The following AFAP1 variants were observed in gnomAD, a reference collection of about 807,000 sequenced individuals.
The protein encoded by AFAP1 is actin filament associated protein 1.
Under a neutral mutation model 93.9 loss-of-function variants are expected in AFAP1, and 75 were observed. That is an observed-to-expected ratio of 0.80 (90% CI 0.66 to 0.97). The LOEUF is 0.97. Among genes scored for constraint, AFAP1 ranks in the 50% least tolerant of loss-of-function variants. AFAP1 has a pLI of 0.00. For missense variants in AFAP1, 1,201 were observed against 1,050.8 expected (o/e 1.14, Z -1.98); for synonymous variants, 517 against 430.7 (o/e 1.20, Z -2.48).
chr4:7,832,179 T>C (rs979142351), intron 6 of AFAP1, among the ~76,000 whole-genome samples: 2 of 152,094 alleles, frequency 1.3e-5, no homozygotes, highest in African/African-American at 4.8e-5. Context: ...GTATAACATA[T>C]TAAAGTTCCA....
At chr4:7,933,390 T>C (rs1012572232) in intron 1 of AFAP1, among the ~76,000 whole-genome samples, 4 of 152,102 alleles carry the variant, frequency 2.6e-5, no homozygotes, top group African/African-American at 7.2e-5. Flanking sequence ...CTGGCCAACA[T>C]GGTGAAACCC....
intron 3 of AFAP1, among the ~76,000 whole-genome samples, chr4:7,861,515 A>G (rs1350934882): frequency 6.6e-6 from 1 of 152,260 alleles, no homozygotes; most frequent in Non-Finnish European, 1.5e-5. Context: ...CATTCCACAC[A>G]GCGCTTGAGT....
rs113904979 is a variant in AFAP1 at position 7,812,469 on chromosome 4, T to C, written c.905-2706A>G. Among the ~76,000 whole-genome samples the C allele has an allele frequency of 1.8e-3, 272 of 152,106 alleles. 1 individual carries two copies. The highest frequency in any genetic ancestry group is 3.3e-3 in the Admixed American group (50 of 15,276). On this transcript the variant is annotated intron_variant, in intron 8 of 17. Transcript: ENST00000420658. The stretch of plus-strand genomic sequence containing the variant: ...TTTTACAAAGGCAGACATATGGTAA[T>C]CCTGGGGCGAAAAAATCCAAGTATA...
In AFAP1 at chr4:7,805,242, ACGTATCTAG is replaced by A. The variant is rs529093627; in HGVS notation, c.1054+4363_1054+4371del. The stretch of plus-strand genomic sequence containing the variant: ...GAGGTGGATTATGATACCAAATGAG[ACGTATCTAG>A]CTTTCCTGAATATCTACTAAAAAAT... On this transcript the variant is annotated intron_variant, in intron 9 of 17. Coordinates refer to ENST00000420658, the MANE Select transcript of AFAP1 (RefSeq NM_001134647.2). Among the ~76,000 whole-genome samples, 211 of 152,196 alleles carry A rather than the reference ACGTATCTAG, an allele frequency of 1.4e-3. 1 individual carries two copies. The highest frequency in any genetic ancestry group is 6.8e-3 in the Middle Eastern group (2 of 294).
At chr4:7,790,295 G>A (rs891121953) in intron 11 of AFAP1, among the ~76,000 whole-genome samples, 4 of 152,132 alleles carry the variant, frequency 2.6e-5, no homozygotes, top group Non-Finnish European at 5.9e-5. Flanking sequence ...AGACTTTAAC[G>A]AGGTAGAAAA....
chr4:7,895,435 A>C (rs1035362172), intron 1 of AFAP1, among the ~76,000 whole-genome samples: 1 of 152,168 alleles, frequency 6.6e-6, no homozygotes, highest in African/African-American at 2.4e-5. Context: ...TCTCCACTTT[A>C]AAGAGCGGTT....
intron 3 of AFAP1, among the ~76,000 whole-genome samples, chr4:7,867,311 T>TATATTTGCTCTTTCC (rs1202374546): frequency 2.0e-5 from 3 of 152,158 alleles, no homozygotes; most frequent in African/African-American, 7.2e-5. Flanking sequence ...GCACTTGAGA[T>TATATTTGCTCTTTCC]ATATTTGCTC....
intron 1 of AFAP1, among the ~76,000 whole-genome samples, chr4:7,924,576 A>C (rs764200327): frequency 6.6e-6 from 1 of 152,196 alleles, no homozygotes; most frequent in African/African-American, 2.4e-5. Context: ...TCCAGGGGAC[A>C]CAGACATCTA....
chr4:7,892,525 A>G (rs1718529236), intron 1 of AFAP1, among the ~76,000 whole-genome samples: 1 of 152,216 alleles, frequency 6.6e-6, no homozygotes, highest in African/African-American at 2.4e-5. Context: ...GTGAGATGCC[A>G]CATGTCCAGC....
rs530912073 is a variant in AFAP1 at position 7,817,000 on chromosome 4, G to T, written c.823-901C>A. On this transcript the variant is annotated intron_variant, in intron 7 of 17. Coordinates refer to ENST00000420658, the MANE Select transcript of AFAP1 (RefSeq NM_001134647.2). ...ACCAGGAACAGCTGGGGGAATCCAGGGCAACAGGTCCAGCCAGGTGCTCAC... is the reference window on the plus strand; with the variant it reads ...ACCAGGAACAGCTGGGGGAATCCAGTGCAACAGGTCCAGCCAGGTGCTCAC... Among the ~76,000 whole-genome samples, 6 of 152,264 alleles carry T rather than the reference G, an allele frequency of 3.9e-5. No individual in the cohort carries two copies. The South Asian group carries it at 1.2e-3, about 32-fold the overall frequency.
At chr4:7,841,035 G>A (rs924884720) in intron 5 of AFAP1, among the ~76,000 whole-genome samples, 2 of 152,192 alleles carry the variant, frequency 1.3e-5, no homozygotes, top group African/African-American at 2.4e-5. Flanking sequence ...AATGCCTCAC[G>A]AGAGATATGC....
chr4:7,851,200 G>A (rs1007905374), intron 4 of AFAP1, among the ~76,000 whole-genome samples: 3 of 152,140 alleles, frequency 2.0e-5, no homozygotes, highest in Non-Finnish European at 2.9e-5. Flanking sequence ...TGGCAGAGAC[G>A]TAATGCTTCA....
At chr4:7,926,813 T>C (rs762852208) in intron 1 of AFAP1, among the ~76,000 whole-genome samples, 6 of 152,204 alleles carry the variant, frequency 3.9e-5, no homozygotes, top group Non-Finnish European at 7.4e-5. Context: ...ATTAGCTCAC[T>C]GCAACCTCCG....
At chr4:7,921,024 G>T (rs1037031570) in intron 1 of AFAP1, among the ~76,000 whole-genome samples, 6 of 151,404 alleles carry the variant, frequency 4.0e-5, no homozygotes, top group Non-Finnish European at 7.4e-5. Context: ...ATAAATATGG[G>T]TTTTTTTAAT....
intron 11 of AFAP1, 34 bp downstream of exon 11, chr4:7,793,647 C>T (rs369686685): frequency 2.3e-5 from 34 of 1,477,124 alleles, no homozygotes; most frequent in Non-Finnish European, 3.0e-5. Context: ...AGTTACTGAA[C>T]TGTGGTGCCA....
Position 7,760,171 on chromosome 4 carries a change from G to A in AFAP1, c.*3594C>T, listed in dbSNP as rs1050986735. 5 of 152,210 alleles carry A rather than the reference G, an allele frequency of 3.3e-5. No homozygotes were observed. Among genetic ancestry groups the A allele is most frequent in the African/African-American group, 1.2e-4 (5 of 41,442 alleles). The allele number at this position is 152,210 out of a possible 1,614,324, so 9.4% of individuals were successfully genotyped here. On this transcript the variant is annotated 3_prime_UTR_variant, in exon 18 of 18. Coordinates refer to ENST00000420658, the MANE Select transcript of AFAP1 (RefSeq NM_001134647.2). ...GAACCTCAAACTCCTTCCTGGGGGT[G>A]GCCTCCAGAGCTGAGGCCACACTTT...
intron 1 of AFAP1, among the ~76,000 whole-genome samples, chr4:7,925,023 G>C (rs1010686552): frequency 1.3e-5 from 2 of 151,976 alleles, no homozygotes; most frequent in African/African-American, 4.8e-5. Context: ...TTTCCATCCT[G>C]AAGCTTCCCC....
chr4:7,862,415 C>T (rs56309889), intron 3 of AFAP1: 2 of 13,172 alleles, frequency 1.5e-4, no homozygotes, highest in Admixed American at 6.9e-4. Flanking sequence ...GGGGGGGGGG[C>T]GCCGGCGGCG....
intron 17 of AFAP1, among the ~76,000 whole-genome samples, chr4:7,765,713 G>A (rs1406091072): frequency 6.6e-6 from 1 of 152,238 alleles, no homozygotes; most frequent in Non-Finnish European, 1.5e-5. Flanking sequence ...TCCCTGGCAT[G>A]GATGGCTCTG....
Sources: allele counts gnomAD v4.1 joint callset (sites outside exome capture counted in the v4.1 genomes callset), GRCh38; gene constraint gnomAD v4.1.1; transcripts MANE v1.5; gene names NCBI Gene and HGNC (gene_info 2026-07-23, HGNC 2026-07-21).